Variants in ALMS1 observed in about 807,000 individuals in gnomAD.
The protein encoded by ALMS1 is centrosome-associated protein ALMS1.
Under a neutral mutation model 352.2 loss-of-function variants are expected in ALMS1, and 271 were observed. The ratio of observed to expected loss-of-function variants is 0.77; its 90% CI spans 0.70 to 0.85. The LOEUF (loss-of-function observed/expected upper bound fraction) is 0.85, where lower values mean the gene tolerates loss of function less well. Among genes scored for constraint, ALMS1 ranks in the 40% least tolerant of loss-of-function variants. The pLI, the probability that ALMS1 is intolerant of heterozygous loss-of-function variation, is 0.00. For synonymous variants in ALMS1, 1,865 were observed against 1,761.2 expected (o/e 1.06, Z -1.48); for missense variants, 5,445 against 4,870.7 (o/e 1.12, Z -3.51).
intron 1 of ALMS1, among the ~76,000 whole-genome samples, chr2:73,391,510 G>A (rs1313232256): frequency 1.3e-5 from 2 of 151,642 alleles, no homozygotes; most frequent in African/African-American, 2.4e-5. Context: ...AGCCAGGATG[G>A]TCTCCATCTC....
chr2:73,452,136 A>C lies in ALMS1; in HGVS notation c.5609A>C (p.Glu1870Ala), dbSNP rs1671957227. The C allele has an allele frequency of 6.2e-7, 1 of 1,608,986 alleles. No homozygotes were observed. The highest frequency in any genetic ancestry group is 2.2e-5 in the East Asian group (1 of 44,846). The change falls in exon 8 of 23, where the codon GAA (glutamate) becomes GCA (alanine). Residue 1870 changes from glutamate (E) to alanine (A), a missense_variant. Physicochemically the swap from Glu to Ala is moderately radical, Grantham distance 107 (BLOSUM62 -1). Coordinates refer to ENST00000613296, the MANE Select transcript of ALMS1 (RefSeq NM_001378454.1). The part of the protein sequence containing the change: ...SYEQELPDLT[E>A]VTLKAIGVPG... ...GAGCAGGAGTTGCCAGATCTTACTG[A>C]AGTAACTTTGAAAGCAATAGGGGTT...
chr2:73,401,118 A>G (rs1015154601), intron 1 of ALMS1, among the ~76,000 whole-genome samples: 1 of 152,112 alleles, frequency 6.6e-6, no homozygotes, highest in Non-Finnish European at 1.5e-5. Context: ...TGCATCCTTT[A>G]TCTTATTTTA....
At chr2:73,438,691 A>G (rs1416133695) in intron 7 of ALMS1, among the ~76,000 whole-genome samples, 2 of 152,228 alleles carry the variant, frequency 1.3e-5, no homozygotes, top group African/African-American at 4.8e-5. Context: ...AATGTCAAGG[A>G]TGGTACCTCA....
chr2:73,477,889 A>G (rs750206810), intron 9 of ALMS1, among the ~76,000 whole-genome samples: 4 of 152,146 alleles, frequency 2.6e-5, no homozygotes, highest in African/African-American at 9.7e-5. Flanking sequence ...GATTTCCTGT[A>G]TGAAGTTCAT....
At chr2:73,392,755 G>A (rs1412677040) in intron 1 of ALMS1, among the ~76,000 whole-genome samples, 2 of 152,044 alleles carry the variant, frequency 1.3e-5, no homozygotes, top group East Asian at 1.9e-4. Context: ...TCAGTTGATG[G>A]ACATGTTTTT....
intron 10 of ALMS1, among the ~76,000 whole-genome samples, chr2:73,504,327 G>A (rs1308299343): frequency 6.6e-6 from 1 of 152,154 alleles, no homozygotes; most frequent in Non-Finnish European, 1.5e-5. Flanking sequence ...ATAGCTTTAT[G>A]TAACCGCCAT....
At chr2:73,486,944 A>C (rs930996186) in intron 9 of ALMS1, among the ~76,000 whole-genome samples, 5 of 152,178 alleles carry the variant, frequency 3.3e-5, no homozygotes, top group Admixed American at 6.5e-5. Context: ...TGTCCCAGCT[A>C]TCCAGGAGGC....
At chr2:73,402,552 G>A (rs768482836) in intron 1 of ALMS1, among the ~76,000 whole-genome samples, 16 of 152,048 alleles carry the variant, frequency 1.1e-4, no homozygotes, top group South Asian at 1.0e-3. Flanking sequence ...GAGCCACCGC[G>A]CCCAGTCGTA....
intron 16 of ALMS1, among the ~76,000 whole-genome samples, chr2:73,577,217 T>A (rs79692218): frequency 0.053 from 8,014 of 152,248 alleles, 514 homozygotes; most frequent in African/African-American, 0.13. Context: ...GAAGGATTAA[T>A]GTTAATGATT....
intron 16 of ALMS1, among the ~76,000 whole-genome samples, chr2:73,585,812 A>T (rs1675299300): frequency 1.4e-5 from 2 of 137,960 alleles, no homozygotes. Flanking sequence ...CACTGCAACC[A>T]CTGCATCCCG....
chr2:73,455,659 C>T (rs1375343234), intron 9 of ALMS1, among the ~76,000 whole-genome samples: 2 of 152,168 alleles, frequency 1.3e-5, no homozygotes, highest in Non-Finnish European at 2.9e-5. Context: ...GCCTTGGCCT[C>T]CCAAAATGCT....
At chr2:73,478,182 G>C (rs1479177081) in intron 9 of ALMS1, among the ~76,000 whole-genome samples, 1 of 152,046 alleles carries the variant, frequency 6.6e-6, no homozygotes, top group East Asian at 1.9e-4. Context: ...AAACGTATTG[G>C]GTTTTGTTGA....
chr2:73,426,941 C>A (rs1336616313), intron 6 of ALMS1, among the ~76,000 whole-genome samples: 1 of 152,136 alleles, frequency 6.6e-6, no homozygotes, highest in East Asian at 1.9e-4. Flanking sequence ...TGTACCTGTT[C>A]TTCATCTGAT....
At chr2:73,609,495 G>C (rs1465252702) in intron 22 of ALMS1, 73 bp from the exon 23 acceptor site, 2 of 1,362,096 alleles carry the variant, frequency 1.5e-6, no homozygotes, top group African/African-American at 2.9e-5. Flanking sequence ...TGACATGGAT[G>C]CAGGGAGGAG....
At chr2:73,473,094 ACTC>A (rs1293786953) in intron 9 of ALMS1, among the ~76,000 whole-genome samples, 3 of 151,896 alleles carry the variant, frequency 2.0e-5, no homozygotes, top group African/African-American at 7.3e-5. Flanking sequence ...GGATTGGACA[ACTC>A]CTCAGAGAAG....
At chr2:73,528,869 A>G (rs1003587172) in intron 11 of ALMS1, among the ~76,000 whole-genome samples, 5 of 151,636 alleles carry the variant, frequency 3.3e-5, no homozygotes, top group African/African-American at 4.8e-5. Context: ...TGTTTAATCA[A>G]TTTTGCTGTT....
At chr2:73,585,862 G>A (rs980149305) in intron 16 of ALMS1, among the ~76,000 whole-genome samples, 2 of 151,898 alleles carry the variant, frequency 1.3e-5, no homozygotes, top group Non-Finnish European at 2.9e-5. Context: ...TGGAGTAGCC[G>A]GGATTACAGG....
At chr2:73,514,344 A>G (rs994320563) in intron 10 of ALMS1, among the ~76,000 whole-genome samples, 7 of 151,712 alleles carry the variant, frequency 4.6e-5, no homozygotes, top group Non-Finnish European at 8.8e-5. Context: ...TGGTTATTCT[A>G]GAGATTATAA....
intron 11 of ALMS1, among the ~76,000 whole-genome samples, chr2:73,533,843 G>T (rs564103532): frequency 2.6e-5 from 4 of 152,302 alleles, no homozygotes; most frequent in Admixed American, 2.6e-4. Context: ...AATTGTCGCA[G>T]ACATATTAAT....
Sources: gnomAD v4.1 joint callset for allele counts (sites outside exome capture counted in the v4.1 genomes callset) on GRCh38, gnomAD v4.1.1 for gene constraint, MANE v1.5 for transcripts, NCBI Gene and HGNC (gene_info 2026-07-23, HGNC 2026-07-21) for gene names.